The following IGF2R variants were observed in gnomAD, a reference collection of about 807,000 sequenced individuals.
The protein encoded by IGF2R is cation-independent mannose-6-phosphate receptor.
IGF2R carries 91 observed loss-of-function variants against 270.6 expected under a neutral mutation model. That is an observed-to-expected ratio of 0.34 (90% CI 0.28 to 0.40). The LOEUF (loss-of-function observed/expected upper bound fraction) is 0.40. IGF2R is among the 10% of genes least tolerant of loss of function. The pLI is 1.00. For synonymous variants in IGF2R, 1,316 were observed against 1,258.9 expected (o/e 1.05, Z -0.96); for missense variants, 2,805 against 3,188.3 (o/e 0.88, Z 2.90).
intron 4 of IGF2R, among the ~76,000 whole-genome samples, chr6:160,023,796 T>C (rs1221824818): frequency 1.3e-5 from 2 of 152,234 alleles, no homozygotes; most frequent in East Asian, 1.9e-4. Context: ...GGCAGACATT[T>C]ATAACCATGC....
intron 13 of IGF2R, among the ~76,000 whole-genome samples, chr6:160,045,264 A>G (rs1312502582): frequency 3.9e-5 from 6 of 152,178 alleles, no homozygotes; most frequent in Admixed American, 2.0e-4. Context: ...TAATTGTGCT[A>G]TTATGTATCC....
rs544673055 is a variant in IGF2R, at chr6:160,078,233, C to T, written c.5349C>T (p.Cys1783=). ...GTPKLLRTSE[C]DFVFEWETPV... ...CTAAGCTGTTAAGGACCAGCGAGTG[C>T]GACTTTGTGTTCGAATGGGAGACTC... Residue 1783 remains cysteine (C), a synonymous_variant, in exon 37 of 48, where the codon TGC becomes TGT. Coordinates refer to ENST00000356956, the MANE Select transcript of IGF2R (RefSeq NM_000876.4). The T allele has an allele frequency of 1.0e-4, 162 of 1,614,176 alleles. No homozygotes were observed. The South Asian group carries it at 1.4e-3, about 14-fold the overall frequency.
chr6:159,985,584 A>G (rs549022812), intron 1 of IGF2R, among the ~76,000 whole-genome samples: 22 of 152,350 alleles, frequency 1.4e-4, no homozygotes, highest in Middle Eastern at 3.4e-3. Context: ...TCTGCCAGTC[A>G]TTGCTCCAGG....
chr6:159,998,735 C>T lies in IGF2R; in HGVS notation c.289+7412C>T, dbSNP rs73019697. ...TTTCAGGACTCTCAGTAACGGCTCC[C>T]TTTCTTCAACTGGAGAGAGCAGTTT... is the stretch of plus-strand genomic sequence containing the variant. On this transcript the variant is annotated intron_variant, in intron 2 of 47. Transcript: ENST00000356956. This position sits in a 1 kb window ranked among gnomAD's most constrained non-coding sequence, Gnocchi z 4.1. Among the ~76,000 whole-genome samples, 800 of 152,270 alleles carry T rather than the reference C, an allele frequency of 5.3e-3. 1 individual carries two copies. Among genetic ancestry groups the T allele is most frequent in the Non-Finnish European group, 8.2e-3 (557 of 68,022 alleles).
At chr6:160,080,369 G>A in intron 39 of IGF2R, 94 bp downstream of exon 39, 3 of 1,229,386 alleles carry the variant, frequency 2.4e-6, no homozygotes, top group East Asian at 2.4e-5. Context: ...GCCCCAGTCA[G>A]TGGCAGGAAT....
At chr6:159,980,396 A>C (rs916991923) in intron 1 of IGF2R, among the ~76,000 whole-genome samples, 2 of 152,126 alleles carry the variant, frequency 1.3e-5, no homozygotes, top group Non-Finnish European at 2.9e-5. Context: ...GCTTCTTTCT[A>C]ACATGGGCTT....
Position 160,008,911 on chromosome 6 carries a change from G to C in IGF2R, c.290-99G>C, listed in dbSNP as rs1784288466. 2.5e-6 allele frequency: 3 copies of C among 1,218,658 alleles called. No individual in the cohort carries two copies. In the Admixed American group the frequency reaches 5.8e-5, roughly 24 times the overall value. The allele number at this position is 1,218,658 out of a possible 1,614,324, so 75.5% of individuals were successfully genotyped here. On this transcript the variant is annotated intron_variant, in intron 2 of 47. Transcript: ENST00000356956. ...AGTTTTATAAATTTATAAGCTATCA[G>C]ATACATTATAATGCTACTTTTAATT...
At chr6:160,047,045 G>A (rs551358974) in intron 15 of IGF2R, 114 bp from the exon 16 acceptor site, 4 of 931,590 alleles carry the variant, frequency 4.3e-6, no homozygotes, top group African/African-American at 3.3e-5. Flanking sequence ...TCTGCAGCCC[G>A]GGCCTGGTTC....
At chr6:160,075,818 A>G in intron 35 of IGF2R, 29 bp from the exon 36 acceptor site, 4 of 1,606,602 alleles carry the variant, frequency 2.5e-6, no homozygotes, top group Non-Finnish European at 3.4e-6. Flanking sequence ...AATTTCCTGA[A>G]ATACTGTTTG....
At chr6:160,012,454 A>C (rs1027220697) in intron 4 of IGF2R, among the ~76,000 whole-genome samples, 1 of 152,104 alleles carries the variant, frequency 6.6e-6, no homozygotes, top group Non-Finnish European at 1.5e-5. Context: ...AGCCTCAGGA[A>C]ACTTACAGTC....
intron 19 of IGF2R, 60 bp from the exon 20 acceptor site, chr6:160,056,364 T>G: frequency 8.6e-7 from 1 of 1,156,860 alleles, no homozygotes; most frequent in Non-Finnish European, 1.3e-6. Context: ...CGAGTATTCT[T>G]TTGGTTCTAT....
intron 18 of IGF2R, among the ~76,000 whole-genome samples, chr6:160,049,613 A>G (rs1030178103): frequency 1.3e-5 from 2 of 152,214 alleles, no homozygotes; most frequent in African/African-American, 4.8e-5. Context: ...AGGTCTCCCT[A>G]AGAGAAGTTT....
At chr6:160,071,531 T>C (rs1390760998) in intron 31 of IGF2R, among the ~76,000 whole-genome samples, 2 of 152,192 alleles carry the variant, frequency 1.3e-5, no homozygotes, top group Non-Finnish European at 2.9e-5. Flanking sequence ...ACTGTGATAA[T>C]GGATTTTACC....
intron 5 of IGF2R, 130 bp from the exon 6 acceptor site, chr6:160,027,055 G>A (rs946203315): frequency 8.8e-6 from 9 of 1,019,426 alleles, no homozygotes; most frequent in Non-Finnish European, 1.2e-5. Context: ...CTTGCCCAAG[G>A]TTTCAGAATA....
intron 39 of IGF2R, among the ~76,000 whole-genome samples, chr6:160,081,152 A>C (rs115555382): frequency 6.6e-6 from 1 of 151,488 alleles, no homozygotes; most frequent in Non-Finnish European, 1.5e-5. Context: ...AAAATTACTA[A>C]TTTTCATAAA....
intron 19 of IGF2R, among the ~76,000 whole-genome samples, chr6:160,052,596 A>G (rs144687428): frequency 2.6e-5 from 4 of 152,326 alleles, no homozygotes; most frequent in East Asian, 1.9e-4. Flanking sequence ...TAAAGTTCAT[A>G]TGGAACCAAA....
At chr6:159,994,955 A>G (rs1035988883) in intron 2 of IGF2R, among the ~76,000 whole-genome samples, 3 of 152,160 alleles carry the variant, frequency 2.0e-5, no homozygotes, top group African/African-American at 4.8e-5. Context: ...TTTTAGGTCC[A>G]TTTAATCCTG....
intron 45 of IGF2R, among the ~76,000 whole-genome samples, chr6:160,098,940 A>G (rs1031228433): frequency 6.6e-6 from 1 of 152,214 alleles, no homozygotes; most frequent in Non-Finnish European, 1.5e-5. Context: ...TTAACATCCT[A>G]TATCTCATCT....
At chr6:159,991,429 G>A in intron 2 of IGF2R, 106 bp downstream of exon 2, 2 of 915,492 alleles carry the variant, frequency 2.2e-6, no homozygotes, top group Non-Finnish European at 3.3e-6. Flanking sequence ...AATTTTGAAT[G>A]TTTAGAAATC....
Sources: allele counts gnomAD v4.1 joint callset (sites outside exome capture counted in the v4.1 genomes callset), GRCh38; gene constraint gnomAD v4.1.1; non-coding constraint Gnocchi (gnomAD v3.1); transcripts MANE v1.5; gene names NCBI Gene and HGNC (gene_info 2026-07-23, HGNC 2026-07-21).